Variants in WDR49 observed in about 807,000 individuals in gnomAD.
WDR49 encodes the protein cilia- and flagella-associated protein 337.
WDR49 carries 107 observed loss-of-function variants against 119.5 expected under a neutral mutation model. The observed-to-expected ratio is 0.90, with a 90% CI of 0.77 to 1.05. The LOEUF is 1.05. WDR49 is among the 50% of genes least tolerant of loss of function. The probability of loss-of-function intolerance (pLI) is 0.00; values close to 1 mark genes in which losing one functional copy is unlikely to be tolerated. For missense variants in WDR49, 1,240 were observed against 1,220.5 expected (o/e 1.02, Z -0.24); for synonymous variants, 425 against 418.8 (o/e 1.01, Z -0.18).
At chr3:167,648,642 A>G (rs1331791132) in intron 2 of WDR49, among the ~76,000 whole-genome samples, 1 of 152,170 alleles carries the variant, frequency 6.6e-6, no homozygotes, top group Non-Finnish European at 1.5e-5. Context: ...AGCTGTCCCT[A>G]CTTGCCATAC....
intron 11 of WDR49, among the ~76,000 whole-genome samples, 168 bp downstream of exon 11, chr3:167,536,702 T>C (rs1346251258): frequency 1.7e-5 from 2 of 120,830 alleles, no homozygotes; most frequent in East Asian, 4.3e-4. Flanking sequence ...TATATATATA[T>C]ATACACACAC....
At chr3:167,514,509 A>C (rs1172613017) in intron 16 of WDR49, among the ~76,000 whole-genome samples, 1 of 152,116 alleles carries the variant, frequency 6.6e-6, no homozygotes, top group Non-Finnish European at 1.5e-5. Flanking sequence ...AGCTAGAAAG[A>C]TCTCAAATCA....
chr3:167,499,699 C>T (rs1255580445), intron 18 of WDR49, among the ~76,000 whole-genome samples: 1 of 152,188 alleles, frequency 6.6e-6, no homozygotes, highest in East Asian at 1.9e-4. Flanking sequence ...TCTCACCACA[C>T]CAGCCTACCA....
chr3:167,568,800 G>A lies in WDR49; in HGVS notation c.1509+7118C>T, dbSNP rs1713759600. Reference sequence around the variant, plus strand: ...TCAAGAGATCACATTTTACTGAGATGGGTAATTTAATGTAGAGAGCAACTG... The same window carrying A: ...TCAAGAGATCACATTTTACTGAGATAGGTAATTTAATGTAGAGAGCAACTG... On this transcript the variant is annotated intron_variant, in intron 8 of 18. Coordinates refer to ENST00000682715, the MANE Select transcript of WDR49 (RefSeq NM_001366157.1). Among the ~76,000 whole-genome samples the A allele has an allele frequency of 2.6e-5, 4 of 152,150 alleles. No individual in the cohort carries two copies. The South Asian group carries it at 8.3e-4, about 31-fold the overall frequency.
chr3:167,527,946 A>G lies in WDR49; in HGVS notation c.2478T>C (p.His826=). The G allele has an allele frequency of 1.2e-6, 2 of 1,613,388 alleles. No homozygotes were observed. Among genetic ancestry groups the G allele is most frequent in the Admixed American group, 1.7e-5 (1 of 59,870 alleles). The change falls in exon 15 of 19, where the codon CAT becomes CAC. Residue 826 remains histidine (H), a synonymous_variant. Coordinates refer to ENST00000682715, the MANE Select transcript of WDR49 (RefSeq NM_001366157.1). The part of the protein sequence containing the change: ...APTLIRSFQP[H]EDRISSLEMC... ...TCTCTAAGGAACTTATTCGGTCCTC[A>G]TGAGGTTGGAATGATCTTATCAGAG... is the stretch of plus-strand genomic sequence containing the variant.
rs147005855 is a variant in WDR49 at position 167,593,709 on chromosome 3, G to T, written c.1275+8418C>A. Among the ~76,000 whole-genome samples, 285 of 152,128 alleles carry T rather than the reference G, an allele frequency of 1.9e-3. 1 individual carries two copies. Among genetic ancestry groups the T allele is most frequent in the African/African-American group, 6.5e-3 (269 of 41,536 alleles). On this transcript the variant is annotated intron_variant, in intron 7 of 18. Coordinates refer to ENST00000682715, the MANE Select transcript of WDR49 (RefSeq NM_001366157.1). ...GGCATTGAAGAGTTAGGTGTTTATTGTAGTCTTCACTGTCTTGGCTTATTG... is the reference window on the plus strand; with the variant it reads ...GGCATTGAAGAGTTAGGTGTTTATTTTAGTCTTCACTGTCTTGGCTTATTG...
At position 167,505,393 on chromosome 3, in the gene WDR49, T is replaced by C; in HGVS notation, c.2798A>G (p.Asn933Ser). Residue 933 changes from asparagine (N) to serine (S), a missense_variant, in exon 17 of 19, where the codon AAT becomes AGT. Asn to Ser is a conservative substitution (Grantham distance 46). Transcript: ENST00000682715. ...TYNVRPSEDI[N>S]LDIKYKERST... Reference sequence around the variant, plus strand: ...TCTTTCCTTATATTTTATATCTAAATTTATATCTTCTGATGGTCTGACACT... The same window carrying C: ...TCTTTCCTTATATTTTATATCTAAACTTATATCTTCTGATGGTCTGACACT... The C allele has an allele frequency of 2.0e-6, 3 of 1,524,752 alleles. No homozygotes were observed. The highest frequency in any genetic ancestry group is 2.4e-5 in the East Asian group (1 of 40,948). The allele number at this position is 1,524,752 out of a possible 1,614,324, so 94.5% of individuals were successfully genotyped here. A position where few individuals can be genotyped will look rare whatever the true frequency, so the allele number is the denominator to read the frequency against.
intron 16 of WDR49, among the ~76,000 whole-genome samples, chr3:167,517,588 T>C (rs1229458867): frequency 6.6e-6 from 1 of 151,950 alleles, no homozygotes; most frequent in Non-Finnish European, 1.5e-5. Flanking sequence ...ATCTAGGCAA[T>C]GTGATTCAGG....
chr3:167,539,529 G>A (rs1711662406), intron 10 of WDR49, among the ~76,000 whole-genome samples: 1 of 152,070 alleles, frequency 6.6e-6, no homozygotes, highest in Admixed American at 6.6e-5. Flanking sequence ...CATTTAACTT[G>A]TAACATTTAA....
intron 15 of WDR49, among the ~76,000 whole-genome samples, chr3:167,524,646 C>A (rs1008138678): frequency 2.0e-5 from 3 of 152,082 alleles, no homozygotes; most frequent in African/African-American, 7.2e-5. Flanking sequence ...TTCCCAGCAC[C>A]ATTTATTAAA....
chr3:167,618,414 T>A (rs1189957457), intron 5 of WDR49, among the ~76,000 whole-genome samples: 1 of 152,158 alleles, frequency 6.6e-6, no homozygotes, highest in Non-Finnish European at 1.5e-5. Flanking sequence ...AATAAATAAT[T>A]GTTGATTGAT....
In WDR49 at chr3:167,529,232, A is replaced by G. The variant is rs1293831758; in HGVS notation, c.2226T>C (p.Ala742=). ...CAGATCCTCCACATGATACCAGGTT[A>G]GCTCCTCCTAACATGTAAGGGAAAA... ...ARKNTAVTGG[A]NLVSCGGSGY... The change falls in exon 14 of 19, where the codon GCT becomes GCC. Residue 742 remains alanine (A), a synonymous_variant. Transcript: ENST00000682715. 1 of 1,584,116 alleles carries G rather than the reference A, an allele frequency of 6.3e-7. No homozygotes were observed. The highest frequency in any genetic ancestry group is 8.5e-7 in the Non-Finnish European group (1 of 1,170,430).
intron 9 of WDR49, among the ~76,000 whole-genome samples, chr3:167,558,280 CATTA>C (rs1016087605): frequency 6.6e-6 from 1 of 152,056 alleles, no homozygotes; most frequent in East Asian, 1.9e-4. Context: ...TTATTCAAAA[CATTA>C]ATTAATTTAA....
At chr3:167,583,767 C>T (rs1033097325) in intron 7 of WDR49, among the ~76,000 whole-genome samples, 1 of 152,122 alleles carries the variant, frequency 6.6e-6, no homozygotes, top group Non-Finnish European at 1.5e-5. Context: ...ATGCAGAATG[C>T]AGTAGCCTCA....
At chr3:167,563,894 T>A (rs969673972) in intron 8 of WDR49, among the ~76,000 whole-genome samples, 1 of 152,220 alleles carries the variant, frequency 6.6e-6, no homozygotes. Flanking sequence ...GCAGCTATTA[T>A]ATGTTAGCCA....
intron 16 of WDR49, among the ~76,000 whole-genome samples, chr3:167,506,341 T>C (rs1384627047): frequency 2.0e-5 from 3 of 152,224 alleles, no homozygotes; most frequent in Non-Finnish European, 2.9e-5. Flanking sequence ...GGAGATAAGA[T>C]GGATGAAAGT....
chr3:167,602,297 A>G, intron 6 of WDR49, 22 bp from the exon 7 acceptor site: 4 of 1,551,214 alleles, frequency 2.6e-6, no homozygotes, highest in South Asian at 2.4e-5. Context: ...TAGAAAGAAA[A>G]AAAATGTTTT....
chr3:167,551,338 AG>A (rs1347234221), intron 10 of WDR49, among the ~76,000 whole-genome samples: 1 of 152,050 alleles, frequency 6.6e-6, no homozygotes, highest in Non-Finnish European at 1.5e-5. Flanking sequence ...TGGGAAGGAA[AG>A]GGGAAAAAAA....
chr3:167,625,376 T>C (rs1178705930), intron 3 of WDR49, among the ~76,000 whole-genome samples: 2 of 152,042 alleles, frequency 1.3e-5, no homozygotes, highest in South Asian at 2.1e-4. Flanking sequence ...TTTAAACCCA[T>C]TATTTTTCAA....
Sources: gnomAD v4.1 joint callset for allele counts (sites outside exome capture counted in the v4.1 genomes callset) on GRCh38, gnomAD v4.1.1 for gene constraint, MANE v1.5 for transcripts, NCBI Gene and HGNC (gene_info 2026-07-23, HGNC 2026-07-21) for gene names.